PTPRD: variants seen among roughly 807,000 people sequenced by gnomAD.
PTPRD encodes protein tyrosine phosphatase receptor type D.
In PTPRD, 34 loss-of-function variants were observed where a neutral mutation model predicts 214.5. That is an observed-to-expected ratio of 0.16 (90% CI 0.12 to 0.21). PTPRD has a LOEUF of 0.21. Ranked by LOEUF, PTPRD falls within the 10% of genes least tolerant of loss-of-function variation. The pLI is 1.00. For missense variants in PTPRD, 2,545 were observed against 2,398.7 expected, an observed-to-expected ratio of 1.06 and a Z score of -1.27; for synonymous variants, 1,128 against 845.7, an observed-to-expected ratio of 1.33 and a Z score of -5.79.
chr9:9,147,381 T>C (rs1212391430), intron 10 of PTPRD, among the ~76,000 whole-genome samples: 1 of 152,078 alleles, frequency 6.6e-6, no homozygotes, highest in African/African-American at 2.4e-5. Context: ...TCTATTTATT[T>C]ATTTATTTTA....
At chr9:10,102,085 T>C (rs529643393) in intron 3 of PTPRD, among the ~76,000 whole-genome samples, 1 of 151,948 alleles carries the variant, frequency 6.6e-6, no homozygotes, top group East Asian at 1.9e-4. Flanking sequence ...CATTTTGTTT[T>C]AATAAATACA....
intron 11 of PTPRD, among the ~76,000 whole-genome samples, chr9:8,979,293 TATC>T (rs1213856943): frequency 2.0e-5 from 3 of 152,122 alleles, no homozygotes; most frequent in African/African-American, 7.2e-5. Context: ...CAGATAATAA[TATC>T]ATGATATAAA....
intron 10 of PTPRD, among the ~76,000 whole-genome samples, chr9:9,126,435 A>T (rs939583900): frequency 1.3e-5 from 2 of 152,238 alleles, no homozygotes; most frequent in African/African-American, 4.8e-5. Context: ...TGTGACTTTA[A>T]GTGAAACGAC....
intron 5 of PTPRD, among the ~76,000 whole-genome samples, chr9:9,872,428 T>C (rs981788839): frequency 6.6e-6 from 1 of 152,122 alleles, no homozygotes; most frequent in Admixed American, 6.6e-5. Flanking sequence ...AGTGAGACCC[T>C]GTCTCTACAA....
At chr9:10,449,613 A>G (rs2098824940) in intron 2 of PTPRD, among the ~76,000 whole-genome samples, 1 of 146,714 alleles carries the variant, frequency 6.8e-6, no homozygotes, top group South Asian at 2.2e-4. Context: ...CCAGCCGCCC[A>G]TCGTCTGAGA....
intron 8 of PTPRD, among the ~76,000 whole-genome samples, chr9:9,432,002 C>T (rs12378824): frequency 0.54 from 78,220 of 145,758 alleles, 21,625 homozygotes; most frequent in Middle Eastern, 0.67. Context: ...TGTATACATA[C>T]GTAACAAACC....
In PTPRD at chr9:8,911,051, G is replaced by A. The variant is rs186742525; in HGVS notation, c.-104+107646C>T. Among the ~76,000 whole-genome samples the A allele has an allele frequency of 5.9e-4, 90 of 152,288 alleles. 1 individual carries two copies. The South Asian group carries it at 9.3e-3, about 16-fold the overall frequency. Reference sequence around the variant, plus strand: ...CTTATCTGTAGATTCAACACAATCTGAATCAAAATGCTGGCACAGCATTTC... The same window carrying A: ...CTTATCTGTAGATTCAACACAATCTAAATCAAAATGCTGGCACAGCATTTC... On this transcript the variant is annotated intron_variant, in intron 11 of 45. Coordinates refer to ENST00000381196, the MANE Select transcript of PTPRD (RefSeq NM_002839.4).
chr9:10,458,254 T>A (rs571007662), intron 2 of PTPRD, among the ~76,000 whole-genome samples: 1 of 152,126 alleles, frequency 6.6e-6, no homozygotes, highest in Non-Finnish European at 1.5e-5. Context: ...AAGAAAACTA[T>A]AGGCCAATAT....
intron 9 of PTPRD, among the ~76,000 whole-genome samples, chr9:9,370,163 T>C (rs933216338): frequency 2.2e-4 from 34 of 152,242 alleles, no homozygotes; most frequent in Middle Eastern, 3.4e-3. Context: ...CATTGGTAGC[T>C]TGATGGGGAT....
intron 8 of PTPRD, among the ~76,000 whole-genome samples, chr9:9,456,098 G>T (rs942007893): frequency 2.0e-5 from 3 of 151,804 alleles, no homozygotes; most frequent in South Asian, 2.1e-4. Context: ...CCAATAAACT[G>T]TTACAGGTAG....
chr9:8,618,884 G>A (rs1237122195), intron 14 of PTPRD, among the ~76,000 whole-genome samples: 1 of 141,970 alleles, frequency 7.0e-6, no homozygotes, highest in Non-Finnish European at 1.5e-5. Flanking sequence ...GTGTGTGTGT[G>A]TGTGTGTGTG....
At chr9:9,239,415 C>G (rs1431127489) in intron 9 of PTPRD, among the ~76,000 whole-genome samples, 2 of 152,110 alleles carry the variant, frequency 1.3e-5, no homozygotes, top group East Asian at 3.9e-4. Flanking sequence ...TAGGTTGTGT[C>G]TCCTAAATGT....
chr9:10,143,602 A>G (rs938787750), intron 3 of PTPRD, among the ~76,000 whole-genome samples: 12 of 152,086 alleles, frequency 7.9e-5, no homozygotes, highest in Admixed American at 2.6e-4. Flanking sequence ...AGTCATATCC[A>G]CTTGTATGTT....
intron 11 of PTPRD, among the ~76,000 whole-genome samples, chr9:8,976,302 G>T (rs566855746): frequency 6.6e-6 from 1 of 152,162 alleles, no homozygotes; most frequent in South Asian, 2.1e-4. Context: ...ATTAAGAAAT[G>T]TTTGTGGAAT....
chr9:10,472,794 C>T (rs1237655339), intron 2 of PTPRD, among the ~76,000 whole-genome samples: 3 of 151,762 alleles, frequency 2.0e-5, no homozygotes, highest in African/African-American at 7.3e-5. Flanking sequence ...TCTGATATAG[C>T]AAACCTAAAT....
intron 3 of PTPRD, among the ~76,000 whole-genome samples, chr9:10,230,858 G>C (rs1470870768): frequency 6.6e-6 from 1 of 152,008 alleles, no homozygotes; most frequent in Admixed American, 6.6e-5. Flanking sequence ...AAGGAGCACT[G>C]TCCAGCCCAG....
chr9:10,400,300 ATG>A, intron 2 of PTPRD, among the ~76,000 whole-genome samples: 1 of 151,944 alleles, frequency 6.6e-6, no homozygotes, highest in East Asian at 1.9e-4. Context: ...TCTTCAATAA[ATG>A]GGGTTAATTA....
intron 10 of PTPRD, among the ~76,000 whole-genome samples, chr9:9,129,160 C>T (rs564054411): frequency 1.3e-4 from 20 of 152,240 alleles, no homozygotes; most frequent in Admixed American, 4.6e-4. Flanking sequence ...GAGGCCGAGG[C>T]GGGTTGATCA....
At chr9:10,427,734 A>G (rs1223058259) in intron 2 of PTPRD, among the ~76,000 whole-genome samples, 1 of 152,098 alleles carries the variant, frequency 6.6e-6, no homozygotes, top group Non-Finnish European at 1.5e-5. Flanking sequence ...AGAAACCAAA[A>G]TAAAACAAAA....
Sources: gnomAD v4.1 joint callset for allele counts (sites outside exome capture counted in the v4.1 genomes callset) on GRCh38, gnomAD v4.1.1 for gene constraint, MANE v1.5 for transcripts, NCBI Gene and HGNC (gene_info 2026-07-23, HGNC 2026-07-21) for gene names.